Variants in SORCS2 observed in about 807,000 individuals in gnomAD.
The protein encoded by SORCS2 is VPS10 domain-containing receptor SorCS2.
SORCS2 carries 100 observed loss-of-function variants against 141.6 expected under a neutral mutation model. The ratio of observed to expected loss-of-function variants is 0.71; its 90% confidence interval spans 0.60 to 0.83. The LOEUF (loss-of-function observed/expected upper bound fraction) is 0.83, where lower values mean the gene tolerates loss of function less well. Among genes scored for constraint, SORCS2 ranks in the 40% least tolerant of loss-of-function variants. The pLI is 0.00. For missense variants in SORCS2, 1,646 were observed against 1,560.2 expected (o/e 1.05, Z -0.93); for synonymous variants, 789 against 676.9 (o/e 1.17, Z -2.57).
At chr4:7,578,149 T>C (rs895543889) in intron 3 of SORCS2, among the ~76,000 whole-genome samples, 1 of 152,214 alleles carries the variant, frequency 6.6e-6, no homozygotes, top group African/African-American at 2.4e-5. Flanking sequence ...CCAGATTGGT[T>C]ACCACGAGAG....
At chr4:7,657,786 GTGAGTGAA>G (rs1462996191) in intron 5 of SORCS2, among the ~76,000 whole-genome samples, 2 of 151,628 alleles carry the variant, frequency 1.3e-5, no homozygotes, top group Non-Finnish European at 2.9e-5. Context: ...CTGTGACTGG[GTGAGTGAA>G]TGAGTGAGTG....
At chr4:7,364,335 T>C (rs1447569163) in intron 1 of SORCS2, among the ~76,000 whole-genome samples, 1 of 152,222 alleles carries the variant, frequency 6.6e-6, no homozygotes, top group African/African-American at 2.4e-5. Context: ...GACAGGGAAA[T>C]GCACCTGTCT....
intron 3 of SORCS2, among the ~76,000 whole-genome samples, chr4:7,634,399 G>T (rs1720103660): frequency 6.6e-6 from 1 of 151,508 alleles, no homozygotes; most frequent in African/African-American, 2.4e-5. Context: ...CCTAGGGAGG[G>T]AGGAGGATGA....
intron 2 of SORCS2, among the ~76,000 whole-genome samples, chr4:7,406,966 T>G (rs1725007676): frequency 6.6e-6 from 1 of 152,164 alleles, no homozygotes; most frequent in Non-Finnish European, 1.5e-5. Flanking sequence ...GCATGTTGTT[T>G]AATTTCCATG....
At chr4:7,583,416 C>G (rs988475876) in intron 3 of SORCS2, among the ~76,000 whole-genome samples, 1 of 152,132 alleles carries the variant, frequency 6.6e-6, no homozygotes, top group African/African-American at 2.4e-5. Flanking sequence ...GAAGTCATAC[C>G]ACCTCGTAAT....
At chr4:7,217,799 G>A (rs1157079835) in intron 1 of SORCS2, among the ~76,000 whole-genome samples, 3 of 152,232 alleles carry the variant, frequency 2.0e-5, no homozygotes, top group East Asian at 3.9e-4. Flanking sequence ...AGCCTGTGGG[G>A]TGAAGCTCCG....
At chr4:7,472,541 C>G (rs565812954) in intron 2 of SORCS2, among the ~76,000 whole-genome samples, 37 of 151,862 alleles carry the variant, frequency 2.4e-4, no homozygotes, top group Admixed American at 2.0e-3. Flanking sequence ...GAATGCACAG[C>G]TGCTGCCCTC....
chr4:7,269,487 C>T (rs1009338269), intron 1 of SORCS2, among the ~76,000 whole-genome samples: 13 of 152,200 alleles, frequency 8.5e-5, no homozygotes, highest in South Asian at 2.1e-4. Flanking sequence ...AAGGATCTTG[C>T]GATGAGATCA....
intron 2 of SORCS2, among the ~76,000 whole-genome samples, chr4:7,468,666 G>A (rs1729774130): frequency 6.6e-6 from 1 of 152,208 alleles, no homozygotes; most frequent in Admixed American, 6.5e-5. Flanking sequence ...GCTTCATCTT[G>A]ATCACTTGAA....
At chr4:7,733,798 C>T (rs958016937) in intron 24 of SORCS2, among the ~76,000 whole-genome samples, 2 of 152,238 alleles carry the variant, frequency 1.3e-5, no homozygotes, top group African/African-American at 4.8e-5. Flanking sequence ...GCAGGTTCGC[C>T]CCACACCAGC....
intron 4 of SORCS2, among the ~76,000 whole-genome samples, chr4:7,640,027 A>G (rs924566673): frequency 6.9e-6 from 1 of 145,950 alleles, no homozygotes; most frequent in African/African-American, 2.5e-5. Context: ...GGGAGTGTGT[A>G]CGTGAGTGTG....
intron 8 of SORCS2, among the ~76,000 whole-genome samples, chr4:7,674,683 G>A (rs866471020): frequency 1.3e-5 from 2 of 151,708 alleles, no homozygotes; most frequent in African/African-American, 4.8e-5. Context: ...GGAAGGGGCC[G>A]GGCCTCAGCG....
chr4:7,418,649 T>C (rs1052654483), intron 2 of SORCS2, among the ~76,000 whole-genome samples: 2 of 151,754 alleles, frequency 1.3e-5, no homozygotes, highest in Non-Finnish European at 2.9e-5. Flanking sequence ...GGGATGAACA[T>C]TGAAGTTGCA....
chr4:7,600,491 T>G (rs993459004), intron 3 of SORCS2, among the ~76,000 whole-genome samples: 3 of 152,024 alleles, frequency 2.0e-5, no homozygotes, highest in Non-Finnish European at 4.4e-5. Context: ...GAGACAGGTT[T>G]AGGAGGGGCC....
chr4:7,546,864 T>C (rs940057694), intron 3 of SORCS2, among the ~76,000 whole-genome samples: 1 of 152,186 alleles, frequency 6.6e-6, no homozygotes, highest in African/African-American at 2.4e-5. Flanking sequence ...AACTGACAAA[T>C]CACTTTCTTA....
intron 18 of SORCS2, among the ~76,000 whole-genome samples, chr4:7,720,914 T>C (rs911666272): frequency 6.6e-6 from 1 of 152,220 alleles, no homozygotes; most frequent in East Asian, 1.9e-4. Context: ...ACAGGTGTTC[T>C]GGAAAACACT....
At chr4:7,322,625 G>A (rs73208472) in intron 1 of SORCS2, among the ~76,000 whole-genome samples, 33,360 of 152,112 alleles carry the variant, frequency 0.22, 4,167 homozygotes, top group Non-Finnish European at 0.29. Context: ...ACCCTGAGAG[G>A]CCGGGACAGC....
chr4:7,383,098 G>T (rs1382815973), intron 1 of SORCS2, among the ~76,000 whole-genome samples: 1 of 152,142 alleles, frequency 6.6e-6, no homozygotes, highest in Non-Finnish European at 1.5e-5. Flanking sequence ...CCGCGGGGCT[G>T]CTGAGGGGCG....
At chr4:7,266,019 C>T (rs114451277) in intron 1 of SORCS2, among the ~76,000 whole-genome samples, 1 of 152,216 alleles carries the variant, frequency 6.6e-6, no homozygotes, top group Admixed American at 6.5e-5. Flanking sequence ...ACCTGTCTCC[C>T]TGTTCTCCTT....
Sources: gnomAD v4.1 joint callset for allele counts (sites outside exome capture counted in the v4.1 genomes callset) on GRCh38, gnomAD v4.1.1 for gene constraint, MANE v1.5 for transcripts, NCBI Gene and HGNC (gene_info 2026-07-23, HGNC 2026-07-21) for gene names.